RNLS: variants seen among roughly 807,000 people sequenced by gnomAD.
RNLS encodes renalase, FAD dependent amine oxidase.
RNLS carries 39 observed loss-of-function variants against 39.8 expected under a neutral mutation model. That is an observed-to-expected ratio of 0.98 (90% CI 0.76 to 1.28). RNLS has a LOEUF of 1.28. Ranked by LOEUF, RNLS falls within the 50% of genes most tolerant of loss-of-function variation. RNLS has a pLI of 0.00. For synonymous variants in RNLS, 147 were observed against 150.7 expected, an observed-to-expected ratio of 0.98 and a Z score of 0.18; for missense variants, 410 against 413.3, an observed-to-expected ratio of 0.99 and a Z score of 0.07.
rs145932279 is a variant in RNLS, at chr10:88,512,935, C to T, written c.526+59968G>A. 2.8e-4 allele frequency among the ~76,000 whole-genome samples: 43 copies of T among 152,152 alleles called. No individual in the cohort carries two copies. In the East Asian group the frequency reaches 7.0e-3, roughly 25 times the overall value. On this transcript the variant is annotated intron_variant, in intron 4 of 6. Transcript: ENST00000331772. ...TCAGAACCTCTCTTTTTCTCAAGTG[C>T]AAATGGTAATAATAATAATACCTAC...
chr10:88,343,989 A>G lies in RNLS; in HGVS notation c.700+18563T>C, dbSNP rs1045561721. Among the ~76,000 whole-genome samples the G allele has an allele frequency of 2.6e-5, 4 of 152,258 alleles. 1 individual carries two copies. The highest frequency in any genetic ancestry group is 3.9e-4 in the East Asian group (2 of 5,192). On this transcript the variant is annotated intron_variant, in intron 5 of 6. Coordinates refer to ENST00000331772, the MANE Select transcript of RNLS (RefSeq NM_001031709.3). ...TCCACTAAAATGCTCCACTTTCCCA[A>G]TACTCACCAGCAGTATGCAGCCACC... is the stretch of plus-strand genomic sequence containing the variant.
At chr10:88,505,477 A>AAG (rs545850363) in intron 4 of RNLS, among the ~76,000 whole-genome samples, 1 of 151,680 alleles carries the variant, frequency 6.6e-6, no homozygotes, top group African/African-American at 2.4e-5. Flanking sequence ...GAGAGACAGA[A>AAG]AGAGAGAGAG....
intron 6 of RNLS, among the ~76,000 whole-genome samples, chr10:88,293,543 G>A (rs1843838752): frequency 1.3e-5 from 2 of 152,070 alleles, no homozygotes; most frequent in South Asian, 4.1e-4. Context: ...GTATAAATCT[G>A]TTATGAGGTT....
downstream of RNLS, among the ~76,000 whole-genome samples, chr10:88,282,308 G>A (rs1309795816): frequency 6.6e-6 from 1 of 152,082 alleles, no homozygotes; most frequent in East Asian, 1.9e-4. Context: ...GCAGCATGGT[G>A]CCTGTAAATA....
At chr10:88,365,434 T>A (rs1849991686) in intron 4 of RNLS, among the ~76,000 whole-genome samples, 1 of 151,660 alleles carries the variant, frequency 6.6e-6, no homozygotes, top group South Asian at 2.1e-4. Flanking sequence ...AATCAAGGCT[T>A]ATATAAAAAG....
intron 4 of RNLS, among the ~76,000 whole-genome samples, chr10:88,447,453 G>A (rs951388878): frequency 1.3e-5 from 2 of 152,114 alleles, no homozygotes; most frequent in Non-Finnish European, 2.9e-5. Context: ...TCTTACAAGG[G>A]CTGTGAAGGA....
At position 88,362,651 on chromosome 10, in the gene RNLS, C is replaced by T; in HGVS notation, c.601G>A (p.Glu201Lys). 4 of 1,613,940 alleles carry T rather than the reference C, an allele frequency of 2.5e-6. No homozygotes were observed. The highest frequency in any genetic ancestry group is 3.4e-6 in the Non-Finnish European group (4 of 1,179,922). Residue 201 changes from glutamate (E) to lysine (K), a missense_variant, in exon 5 of 7, where the codon GAA becomes AAA. Glu to Lys is a moderately conservative substitution (Grantham distance 56). Coordinates refer to ENST00000331772, the MANE Select transcript of RNLS (RefSeq NM_001031709.3). ...SSRYALGLFY[E>K]AGTKIDVPWA... is the part of the protein sequence containing the mutation. ...GGGACATCAATCTTCGTACCAGCTT[C>T]ATAAAAGAGGCCCAGAGCATATCGA...
intron 4 of RNLS, among the ~76,000 whole-genome samples, chr10:88,400,999 T>C (rs187353436): frequency 1.3e-5 from 2 of 150,520 alleles, no homozygotes; most frequent in South Asian, 2.1e-4. Context: ...TGTCCTTTAA[T>C]GAACATTTTA....
chr10:88,429,958 TG>T (rs1855038101), intron 4 of RNLS, among the ~76,000 whole-genome samples: 1 of 151,840 alleles, frequency 6.6e-6, no homozygotes. Context: ...GCTCTCCAAC[TG>T]TGTTCTGTTT....
chr10:88,324,138 G>A (rs1318786119), intron 5 of RNLS, among the ~76,000 whole-genome samples: 1 of 152,088 alleles, frequency 6.6e-6, no homozygotes, highest in Admixed American at 6.6e-5. Context: ...TGGTGGGAAC[G>A]TAAATTAGTT....
intron 6 of RNLS, among the ~76,000 whole-genome samples, chr10:88,303,183 T>C (rs890115899): frequency 2.0e-5 from 3 of 152,180 alleles, no homozygotes; most frequent in Non-Finnish European, 4.4e-5. Context: ...GGAAATCAAG[T>C]TGGCAGGGAG....
At chr10:88,453,440 A>G (rs1842461897) in intron 4 of RNLS, among the ~76,000 whole-genome samples, 1 of 152,162 alleles carries the variant, frequency 6.6e-6, no homozygotes, top group South Asian at 2.1e-4. Flanking sequence ...TGCAGCTGCA[A>G]AGGTCTCACT....
At chr10:88,426,808 T>C (rs977016986) in intron 4 of RNLS, among the ~76,000 whole-genome samples, 1 of 151,952 alleles carries the variant, frequency 6.6e-6, no homozygotes, top group Non-Finnish European at 1.5e-5. Context: ...AACACAGCTT[T>C]CTCATAAGTG....
At chr10:88,453,898 A>G (rs969586495) in intron 4 of RNLS, among the ~76,000 whole-genome samples, 1 of 152,216 alleles carries the variant, frequency 6.6e-6, no homozygotes, top group Non-Finnish European at 1.5e-5. Context: ...CTCACTGTTT[A>G]CTATGACACA....
At chr10:88,458,423 C>G (rs1220108078) in intron 4 of RNLS, among the ~76,000 whole-genome samples, 1 of 152,126 alleles carries the variant, frequency 6.6e-6, no homozygotes, top group Non-Finnish European at 1.5e-5. Flanking sequence ...ATCCCTCTAT[C>G]TCTAAACACT....
At chr10:88,467,442 T>A (rs1843279236) in intron 4 of RNLS, among the ~76,000 whole-genome samples, 1 of 152,064 alleles carries the variant, frequency 6.6e-6, no homozygotes. Flanking sequence ...AAAAAATTTT[T>A]AAAAATCTTA....
chr10:88,536,478 C>T (rs1356072436), intron 4 of RNLS, among the ~76,000 whole-genome samples: 1 of 152,170 alleles, frequency 6.6e-6, no homozygotes, highest in African/African-American at 2.4e-5. Context: ...GATCAAATTA[C>T]ATCACTTTGA....
intron 5 of RNLS, among the ~76,000 whole-genome samples, chr10:88,317,753 T>C (rs944129277): frequency 2.6e-5 from 4 of 151,998 alleles, no homozygotes; most frequent in Non-Finnish European, 4.4e-5. Flanking sequence ...ATGGACAAGT[T>C]CCAAATGCAA....
intron 6 of RNLS, among the ~76,000 whole-genome samples, chr10:88,304,152 A>G (rs1395739713): frequency 1.3e-5 from 2 of 152,220 alleles, no homozygotes; most frequent in Non-Finnish European, 2.9e-5. Flanking sequence ...GCCACAATCA[A>G]ACTCTCAAGG....
Sources: gnomAD v4.1 joint callset for allele counts (sites outside exome capture counted in the v4.1 genomes callset) on GRCh38, gnomAD v4.1.1 for gene constraint, MANE v1.5 for transcripts, NCBI Gene and HGNC (gene_info 2026-07-23, HGNC 2026-07-21) for gene names.